Variants in SNX30 observed in about 807,000 individuals in gnomAD.
SNX30 encodes the protein sorting nexin family member 30.
A neutral mutation model predicts 46.4 loss-of-function variants in SNX30; 24 were observed. That is an observed-to-expected ratio of 0.52 (90% CI 0.37 to 0.73). The LOEUF is 0.73. SNX30 is among the 30% of genes least tolerant of loss of function. The probability of loss-of-function intolerance (pLI) is 0.00; values close to 1 mark genes in which losing one functional copy is unlikely to be tolerated. For synonymous variants in SNX30, 189 were observed against 211.5 expected (o/e 0.89, Z 0.92); for missense variants, 533 against 555.7 (o/e 0.96, Z 0.41).
intron 1 of SNX30, among the ~76,000 whole-genome samples, chr9:112,763,493 A>T (rs1839478290): frequency 1.5e-5 from 2 of 137,638 alleles, no homozygotes; most frequent in African/African-American, 2.7e-5. Context: ...AAGTGCTGGG[A>T]TTATAGATGT....
At chr9:112,864,985 G>A (rs1450950829) in intron 8 of SNX30, among the ~76,000 whole-genome samples, 6 of 78,844 alleles carry the variant, frequency 7.6e-5, no homozygotes, top group South Asian at 1.3e-3. Context: ...ACGCACATGC[G>A]CGTGCACACA....
chr9:112,868,773 TGTC>T lies in SNX30; in HGVS notation c.1255-8_1255-6del, dbSNP rs1424879969. On this transcript the variant is annotated splice_polypyrimidine_tract_variant and splice_region_variant and intron_variant, in intron 8 of 8. Transcript: ENST00000374232. ...CAAAGCTGATACTGTGTGTGTATGTTGTCGTTCCAGTGCCTCATGGCGTGGGAG... is the reference window on the plus strand; with the variant it reads ...CAAAGCTGATACTGTGTGTGTATGTTGTTCCAGTGCCTCATGGCGTGGGAG... 1.9e-6 allele frequency: 3 copies of T among 1,613,880 alleles called. No homozygotes were observed. The highest frequency in any genetic ancestry group is 1.6e-4 in the Middle Eastern group (1 of 6,078).
At chr9:112,832,495 T>TGTGTGA (rs1554754469) in intron 4 of SNX30, among the ~76,000 whole-genome samples, 10 of 135,398 alleles carry the variant, frequency 7.4e-5, no homozygotes, top group African/African-American at 2.6e-4. Flanking sequence ...TGTGTGTGTG[T>TGTGTGA]GAGAGAGAGA....
chr9:112,804,755 G>A (rs1432990187), intron 1 of SNX30, 21 bp from the exon 2 acceptor site: 2 of 1,581,862 alleles, frequency 1.3e-6, no homozygotes, highest in Admixed American at 3.6e-5. Context: ...TTAATTTTAA[G>A]GTGCTCTTTT....
intron 4 of SNX30, among the ~76,000 whole-genome samples, chr9:112,834,883 C>CACACACACACACACACACACA (rs1840727674): frequency 1.5e-5 from 1 of 66,342 alleles, no homozygotes; most frequent in African/African-American, 7.5e-5. Context: ...CACACACACA[C>CACACACACACACACACACACA]CTACCTCAAT....
At chr9:112,811,115 A>G (rs1443143951) in intron 2 of SNX30, among the ~76,000 whole-genome samples, 1 of 152,210 alleles carries the variant, frequency 6.6e-6, no homozygotes, top group Non-Finnish European at 1.5e-5. Flanking sequence ...TCTGAGAGGA[A>G]CGAGATAAGT....
At chr9:112,785,466 C>T (rs1236229804) in intron 1 of SNX30, among the ~76,000 whole-genome samples, 1 of 151,348 alleles carries the variant, frequency 6.6e-6, no homozygotes, top group Non-Finnish European at 1.5e-5. Context: ...TCACTGCAAC[C>T]TCTGCCTCCC....
At chr9:112,860,466 G>GC (rs1486852789) in intron 7 of SNX30, among the ~76,000 whole-genome samples, 1 of 152,128 alleles carries the variant, frequency 6.6e-6, no homozygotes, top group Non-Finnish European at 1.5e-5. Flanking sequence ...TGGCATTAGT[G>GC]CCACCCTAGT....
upstream of SNX30, among the ~76,000 whole-genome samples, chr9:112,750,021 C>G (rs550861732): frequency 3.3e-5 from 5 of 152,344 alleles, no homozygotes; most frequent in African/African-American, 1.2e-4. Flanking sequence ...AGCTGAGAAT[C>G]AGCTCAGCCC....
intron 7 of SNX30, among the ~76,000 whole-genome samples, chr9:112,851,468 C>G (rs1218953396): frequency 6.6e-6 from 1 of 152,186 alleles, no homozygotes; most frequent in Non-Finnish European, 1.5e-5. Context: ...AGGACTACAG[C>G]TTGGTCGAAT....
intron 8 of SNX30, among the ~76,000 whole-genome samples, chr9:112,867,886 G>A (rs1253548092): frequency 6.6e-6 from 1 of 152,134 alleles, no homozygotes; most frequent in Admixed American, 6.5e-5. Flanking sequence ...GGCTGCTACT[G>A]AGAAGCCTTA....
At chr9:112,859,069 C>T (rs1450796262) in intron 7 of SNX30, among the ~76,000 whole-genome samples, 2 of 152,116 alleles carry the variant, frequency 1.3e-5, no homozygotes, top group East Asian at 1.9e-4. Flanking sequence ...GAAACTCTGA[C>T]CCATTAAACA....
intron 3 of SNX30, among the ~76,000 whole-genome samples, chr9:112,826,575 G>T (rs1229334842): frequency 6.6e-6 from 1 of 152,146 alleles, no homozygotes; most frequent in African/African-American, 2.4e-5. Flanking sequence ...GAACAAATGG[G>T]TCAAGGACAC....
chr9:112,818,900 C>T (rs1317514326), intron 3 of SNX30, among the ~76,000 whole-genome samples: 2 of 152,154 alleles, frequency 1.3e-5, no homozygotes, highest in Non-Finnish European at 2.9e-5. Flanking sequence ...CTCCTTTTTC[C>T]TCCACATACT....
At chr9:112,790,187 G>A (rs527422073) in intron 1 of SNX30, among the ~76,000 whole-genome samples, 9 of 152,174 alleles carry the variant, frequency 5.9e-5, no homozygotes, top group Non-Finnish European at 1.2e-4. Flanking sequence ...CAATAGTTAA[G>A]ATACATTTGA....
Position 112,864,354 on chromosome 9 carries a change from G to T in SNX30, c.1209G>T (p.Gln403His), listed in dbSNP as rs535897402. Residue 403 changes from glutamine to histidine, a missense_variant, in exon 8 of 9, where the codon CAG becomes CAT. By Grantham distance (24) the Gln-to-His change is conservative (BLOSUM62 0). Around this residue, in one of 3 missense-constraint regions of SNX30, gnomAD observed 261 missense variants for 270.9 expected, o/e 0.96. Transcript: ENST00000374232. ...ACAACAAGAGGCAGGACTTCCGGCAGCTACTCATGGGGATGGCTGACAAGA... is the reference window on the plus strand; with the variant it reads ...ACAACAAGAGGCAGGACTTCCGGCATCTACTCATGGGGATGGCTGACAAGA... ...WQNNKRQDFR[Q>H]LLMGMADKNI... is the part of the protein sequence containing the mutation. 3.1e-6 allele frequency: 5 copies of T among 1,614,252 alleles called. No individual in the cohort carries two copies. The highest frequency in any genetic ancestry group is 3.4e-6 in the Non-Finnish European group (4 of 1,180,044).
chr9:112,861,472 C>T (rs1229975667), intron 7 of SNX30, among the ~76,000 whole-genome samples: 4 of 152,192 alleles, frequency 2.6e-5, no homozygotes, highest in Non-Finnish European at 5.9e-5. Context: ...TCCCAGGCCA[C>T]ACACCTGGTA....
intron 2 of SNX30, among the ~76,000 whole-genome samples, chr9:112,810,159 T>A (rs1840298409): frequency 6.6e-6 from 1 of 152,086 alleles, no homozygotes; most frequent in South Asian, 2.1e-4. Context: ...GTGGGGGTGG[T>A]TTGAAGTGGG....
chr9:112,822,881 G>A (rs953009616), intron 3 of SNX30, among the ~76,000 whole-genome samples: 2 of 152,078 alleles, frequency 1.3e-5, no homozygotes, highest in Non-Finnish European at 2.9e-5. Flanking sequence ...TAGCCCTCTT[G>A]GTTATCAGGC....
Sources: gnomAD v4.1 joint callset for allele counts (sites outside exome capture counted in the v4.1 genomes callset) on GRCh38, gnomAD v4.1.1 for gene constraint, gnomAD v4.1.1 regional missense constraint, MANE v1.5 for transcripts, NCBI Gene and HGNC (gene_info 2026-07-23, HGNC 2026-07-21) for gene names.